PRKX: variants seen among roughly 807,000 people sequenced by gnomAD.
The protein encoded by PRKX is protein kinase cAMP-dependent X-linked catalytic subunit, also known as cAMP-dependent protein kinase catalytic subunit PRKX.
Under a neutral mutation model 22.0 loss-of-function variants are expected in PRKX, and 12 were observed. The ratio of observed to expected loss-of-function variants is 0.54; its 90% confidence interval spans 0.35 to 0.88. The LOEUF is 0.88. Among genes scored for constraint, PRKX ranks in the 40% least tolerant of loss-of-function variants. The probability of loss-of-function intolerance (pLI) is 0.01; values close to 1 mark genes in which losing one functional copy is unlikely to be tolerated. For missense variants in PRKX, 217 were observed against 308.0 expected, an observed-to-expected ratio of 0.70 and a Z score of 2.21; for synonymous variants, 134 against 137.7, an observed-to-expected ratio of 0.97 and a Z score of 0.19.
intron 3 of PRKX, among the ~76,000 whole-genome samples, chrX:3,650,420 C>T (rs1927298063): frequency 1.0e-5 from 1 of 98,204 alleles, no homozygotes; most frequent in Non-Finnish European, 2.0e-5. Context: ...ACTTGGGAGG[C>T]TGAGGCAGGA....
intron 6 of PRKX, among the ~76,000 whole-genome samples, chrX:3,618,159 T>C (rs1288767373): frequency 6.4e-5 from 7 of 108,997 alleles, no homozygotes; most frequent in African/African-American, 2.3e-4. Flanking sequence ...GTTGAACTCA[T>C]AGAAGCAGAG....
rs1926137268 is a variant in PRKX at position 3,605,058 on chromosome X, C to T, written c.*3911G>A. 1.1e-5 allele frequency: 1 copy of T among 88,303 alleles called. No individual in the cohort carries two copies. The highest frequency in any genetic ancestry group is 4.1e-5 in the African/African-American group (1 of 24,211). The allele number at this position is 88,303 out of a possible 1,213,427, so 7.3% of individuals were successfully genotyped here. On this transcript the variant is annotated 3_prime_UTR_variant, in exon 9 of 9. Transcript: ENST00000262848. ...ACACACACACACACACACACACACACACCCCGCAAAGAAACTATCCAAATG... is the reference window on the plus strand; with the variant it reads ...ACACACACACACACACACACACACATACCCCGCAAAGAAACTATCCAAATG...
chrX:3,633,256 G>GAA (rs373830482), intron 4 of PRKX, among the ~76,000 whole-genome samples: 11 of 58,991 alleles, frequency 1.9e-4, no homozygotes, highest in Non-Finnish European at 2.7e-4. Flanking sequence ...TGTCTCAAAA[G>GAA]AAAAAAAAAA....
At chrX:3,653,314 T>C (rs1257827531) in intron 3 of PRKX, among the ~76,000 whole-genome samples, 1 of 109,653 alleles carries the variant, frequency 9.1e-6, no homozygotes, top group Non-Finnish European at 1.9e-5. Flanking sequence ...GGAAGCTGGT[T>C]CCCTCCAGGT....
Position 3,679,391 on chromosome X carries a change from C to T in PRKX, c.167-4625G>A, listed in dbSNP as rs146005855. On this transcript the variant is annotated intron_variant, in intron 1 of 8. Transcript: ENST00000262848. ...TGCATCCACTTTGCTGCAAAGGACA[C>T]GATTCTGTTCTTTTGCAGGGCTGCA... Among the ~76,000 whole-genome samples the T allele has an allele frequency of 4.3e-3, 485 of 112,732 alleles. 4 individuals are homozygous for T. Among genetic ancestry groups the T allele is most frequent in the African/African-American group, 0.015 (456 of 31,098 alleles).
At chrX:3,678,896 T>TA (rs772366135) in intron 1 of PRKX, among the ~76,000 whole-genome samples, 67 of 111,029 alleles carry the variant, frequency 6.0e-4, no homozygotes, top group Non-Finnish European at 1.2e-3. Flanking sequence ...CAATAAGACA[T>TA]AAAAAAAGAG....
chrX:3,641,947 G>T lies in PRKX; in HGVS notation c.624C>A (p.Pro208=). The stretch of plus-strand genomic sequence containing the variant: ...GAATGACTTCGGGGGCTAGGTACTC[G>T]GGTGTTCCACAGAGGGTCCAAGTCC... ...VDRTWTLCGT[P]EYLAPEVIQS... is the part of the protein sequence containing the mutation. The change falls in exon 4 of 9, where the codon CCC becomes CCA. Residue 208 remains proline, a synonymous_variant. Transcript: ENST00000262848. 2 of 806,998 alleles carry T rather than the reference G, an allele frequency of 2.5e-6. No homozygotes were observed. The highest frequency in any genetic ancestry group is 2.3e-5 in the African/African-American group (1 of 43,513). 66.5% of individuals were successfully genotyped at this position (806,998 alleles called of 1,213,427 possible). A position where few individuals can be genotyped will look rare whatever the true frequency, so the allele number is the denominator to read the frequency against.
chrX:3,710,920 C>A (rs1211854285), intron 1 of PRKX, among the ~76,000 whole-genome samples: 1 of 111,432 alleles, frequency 9.0e-6, no homozygotes, highest in African/African-American at 3.3e-5. Context: ...TCAAGCTCAC[C>A]CCTCACTATT....
chrX:3,647,770 G>C (rs1388821569), intron 3 of PRKX, among the ~76,000 whole-genome samples: 5 of 109,366 alleles, frequency 4.6e-5, no homozygotes, highest in Middle Eastern at 9.6e-3. Context: ...ATAGTTCGGT[G>C]GTGGGAAGTC....
chrX:3,681,592 A>C (rs2146598902), intron 1 of PRKX, among the ~76,000 whole-genome samples: 1 of 108,011 alleles, frequency 9.3e-6, no homozygotes, highest in African/African-American at 3.3e-5. Context: ...GAGGTTGCAG[A>C]GAGCTGAGAT....
At chrX:3,689,838 G>T (rs1177514285) in intron 1 of PRKX, among the ~76,000 whole-genome samples, 1 of 111,478 alleles carries the variant, frequency 9.0e-6, no homozygotes, top group Admixed American at 9.5e-5. Flanking sequence ...TTAGCCGAGT[G>T]TGGTGGCGGA....
At chrX:3,658,121 G>T (rs1405981742) in intron 2 of PRKX, among the ~76,000 whole-genome samples, 1 of 110,263 alleles carries the variant, frequency 9.1e-6, no homozygotes, top group East Asian at 2.9e-4. Context: ...CTCCCAAGTA[G>T]TTGGGATTAT....
chrX:3,703,555 G>A (rs761429004), intron 1 of PRKX, among the ~76,000 whole-genome samples: 2 of 110,938 alleles, frequency 1.8e-5, no homozygotes, highest in African/African-American at 3.3e-5. Flanking sequence ...TTACATCTTC[G>A]CTAAAGGTGT....
intron 4 of PRKX, among the ~76,000 whole-genome samples, chrX:3,635,086 C>T (rs1455198883): frequency 9.0e-6 from 1 of 111,657 alleles, no homozygotes; most frequent in Non-Finnish European, 1.9e-5. Context: ...GATTATTTAA[C>T]TTCTCATATA....
intron 4 of PRKX, among the ~76,000 whole-genome samples, chrX:3,626,862 C>G (rs1370205503): frequency 2.7e-5 from 3 of 111,976 alleles, no homozygotes. Flanking sequence ...CAGCAATGCT[C>G]TCTCATGTTT....
chrX:3,668,273 G>A (rs1927776024), intron 2 of PRKX: 1 of 111,821 alleles, frequency 8.9e-6, no homozygotes, highest in African/African-American at 3.2e-5. Context: ...AGAAGAGGAA[G>A]AGAAGACCCA....
intron 7 of PRKX, among the ~76,000 whole-genome samples, chrX:3,614,228 C>T (rs1408663346): frequency 4.5e-5 from 5 of 112,263 alleles, no homozygotes; most frequent in Non-Finnish European, 9.4e-5. Flanking sequence ...CCGGGTGCAG[C>T]GGCTCATGCC....
chrX:3,629,295 A>G (rs932727421), intron 4 of PRKX, among the ~76,000 whole-genome samples: 38 of 108,895 alleles, frequency 3.5e-4, no homozygotes, highest in African/African-American at 1.3e-3. Flanking sequence ...AGGCTGGAGT[A>G]CTGCAGCGTG....
intron 3 of PRKX, among the ~76,000 whole-genome samples, chrX:3,648,884 T>C (rs1179764897): frequency 1.8e-5 from 2 of 109,393 alleles, no homozygotes; most frequent in Non-Finnish European, 3.8e-5. Context: ...TTCAAGACTA[T>C]CCTGGCCAAC....
Sources: allele counts gnomAD v4.1 joint callset (sites outside exome capture counted in the v4.1 genomes callset), GRCh38; gene constraint gnomAD v4.1.1; transcripts MANE v1.5; gene names NCBI Gene and HGNC (gene_info 2026-07-23, HGNC 2026-07-21).